Variants in TRIM34 observed in about 807,000 individuals in gnomAD.
TRIM34 encodes E3 ubiquitin-protein ligase TRIM34.
A neutral mutation model predicts 38.1 loss-of-function variants in TRIM34; 41 were observed. That is an observed-to-expected ratio of 1.08 (90% CI 0.84 to 1.40). TRIM34 has a LOEUF of 1.40. Among genes scored for constraint, TRIM34 ranks in the 40% most tolerant of loss-of-function variants. The probability of loss-of-function intolerance (pLI) is 0.00; values close to 1 mark genes in which losing one functional copy is unlikely to be tolerated. For synonymous variants in TRIM34, 200 were observed against 202.5 expected (o/e 0.99, Z 0.10); for missense variants, 556 against 571.4 (o/e 0.97, Z 0.27).
chr11:5,630,949 A>G (rs1849457768), intron 1 of TRIM34, among the ~76,000 whole-genome samples: 2 of 152,218 alleles, frequency 1.3e-5, no homozygotes, highest in South Asian at 2.1e-4. Flanking sequence ...CACATGAATA[A>G]TTGGCATTCA....
chr11:5,644,294 T>C lies in TRIM34; in HGVS notation c.*585T>C, dbSNP rs1034752035. On this transcript the variant is annotated 3_prime_UTR_variant, in exon 8 of 8. Transcript: ENST00000429814. ...AAATATAAATTGGGATTTAAGACTGTACCTAACTATTAAGATCACTGTGTA... is the reference window on the plus strand; with the variant it reads ...AAATATAAATTGGGATTTAAGACTGCACCTAACTATTAAGATCACTGTGTA... The C allele has an allele frequency of 2.5e-6, 1 of 398,838 alleles. No individual in the cohort carries two copies. The highest frequency in any genetic ancestry group is 4.4e-5 in the Admixed American group (1 of 22,752). The allele number at this position is 398,838 out of a possible 1,614,324, so 24.7% of individuals were successfully genotyped here.
chr11:5,621,736 C>A (rs1018693695), upstream of TRIM34, among the ~76,000 whole-genome samples: 4 of 152,198 alleles, frequency 2.6e-5, no homozygotes, highest in Admixed American at 1.3e-4. Context: ...TGCTCACTGA[C>A]ATAAATGCCT....
In TRIM34 at chr11:5,643,328, C is replaced by G. The variant is rs1455357295; in HGVS notation, c.1086C>G (p.Ile362Met). ...EVDVSKKTAW[I>M]LGVYCRTYSR... ...ACGTGTCCAAGAAAACTGCCTGGAT[C>G]CTGGGGGTATACTGTAGAACATATT... The change falls in exon 8 of 8, where the codon ATC (isoleucine) becomes ATG (methionine). Residue 362 changes from isoleucine to methionine, a missense_variant. Physicochemically the swap from Ile to Met is conservative, Grantham distance 10. Coordinates refer to ENST00000429814, the MANE Select transcript of TRIM34 (RefSeq NM_021616.6). 7.4e-5 allele frequency: 120 copies of G among 1,613,754 alleles called. No individual in the cohort carries two copies. Among genetic ancestry groups the G allele is most frequent in the Non-Finnish European group, 1.0e-4 (118 of 1,179,940 alleles).
At chr11:5,621,059 T>C (rs183056438), upstream of TRIM34, among the ~76,000 whole-genome samples, 10 of 152,324 alleles carry the variant, frequency 6.6e-5, no homozygotes, top group South Asian at 2.1e-4. Context: ...TTTCTCTATG[T>C]GTAGACACAC....
Position 5,632,579 on chromosome 11 carries a change from A to C in TRIM34, c.248A>C (p.Glu83Ala), listed in dbSNP as rs1849527961. The stretch of plus-strand genomic sequence containing the variant: ...GCCAACATAGTGGAGAGACTCAAGG[A>C]GGTCAAGTTGAGCCCAGACAATGGG... Reference protein sequence around the residue: ...HLANIVERLKEVKLSPDNGKK... With the variant: ...HLANIVERLKAVKLSPDNGKK... Residue 83 changes from glutamate to alanine, a missense_variant, in exon 2 of 8, where the codon GAG becomes GCG. By Grantham distance (107) the Glu-to-Ala change is moderately radical (BLOSUM62 -1). Transcript: ENST00000429814. The C allele has an allele frequency of 6.2e-7, 1 of 1,613,722 alleles. No individual in the cohort carries two copies. The highest frequency in any genetic ancestry group is 1.3e-5 in the African/African-American group (1 of 74,792).
intron 4 of TRIM34, among the ~76,000 whole-genome samples, chr11:5,636,909 G>A (rs1000205321): frequency 3.3e-5 from 5 of 152,194 alleles, no homozygotes; most frequent in Non-Finnish European, 7.3e-5. Context: ...CACTTTGGGA[G>A]GCCGAGGTGG....
At position 5,632,715 on chromosome 11, in the gene TRIM34, C is replaced by T; in HGVS notation, c.384C>T (p.His128=). The T allele has an allele frequency of 6.2e-7, 1 of 1,611,320 alleles. No homozygotes were observed. Among genetic ancestry groups the T allele is most frequent in the Non-Finnish European group, 8.5e-7 (1 of 1,179,018 alleles). Residue 128 remains histidine, a synonymous_variant, in exon 2 of 8, where the codon CAC becomes CAT. Transcript: ENST00000429814. The part of the protein sequence containing the change: ...LCERSQEHRG[H]HTVLTEEVFK... ...AGCGGTCTCAGGAGCACCGTGGTCACCACACAGTCCTCACGGAGGAAGTAT... is the reference window on the plus strand; with the variant it reads ...AGCGGTCTCAGGAGCACCGTGGTCATCACACAGTCCTCACGGAGGAAGTAT...
upstream of TRIM34, among the ~76,000 whole-genome samples, chr11:5,620,368 G>A (rs1306655100): frequency 6.6e-6 from 1 of 151,022 alleles, no homozygotes; most frequent in Non-Finnish European, 1.5e-5. Context: ...TAGTAGAGAC[G>A]GGGTTTCACC....
chr11:5,632,820 TCC>T, intron 2 of TRIM34, 66 bp downstream of exon 2: 2 of 1,184,312 alleles, frequency 1.7e-6, no homozygotes, highest in Non-Finnish European at 2.2e-6. Flanking sequence ...CACCTTTTCA[TCC>T]TTTTTTTTTT....
intron 4 of TRIM34, among the ~76,000 whole-genome samples, chr11:5,640,657 T>A (rs1245446754): frequency 2.0e-5 from 3 of 152,160 alleles, no homozygotes; most frequent in Non-Finnish European, 4.4e-5. Context: ...AGGATGAGCC[T>A]CATGTAATCA....
chr11:5,625,257 G>A (rs1244858862), intron 1 of TRIM34, among the ~76,000 whole-genome samples, 197 bp downstream of exon 1: 1 of 152,188 alleles, frequency 6.6e-6, no homozygotes, highest in African/African-American at 2.4e-5. Context: ...TGAAAGCAGT[G>A]TTAAAGAGGC....
chr11:5,642,781 T>A, intron 6 of TRIM34, 36 bp from the exon 7 acceptor site: 1 of 1,613,688 alleles, frequency 6.2e-7, no homozygotes, highest in African/African-American at 1.3e-5. Flanking sequence ...ACTCCTTTGT[T>A]TCTAATCAGC....
chr11:5,638,730 G>A (rs2054923392), intron 4 of TRIM34, among the ~76,000 whole-genome samples: 2 of 152,136 alleles, frequency 1.3e-5, no homozygotes, highest in Non-Finnish European at 2.9e-5. Flanking sequence ...CTTAGTTACT[G>A]GTGCCGTTTT....
intron 1 of TRIM34, among the ~76,000 whole-genome samples, chr11:5,628,263 T>C (rs1849326782): frequency 6.6e-6 from 1 of 152,240 alleles, no homozygotes; most frequent in Non-Finnish European, 1.5e-5. Context: ...CCCCCCGGTA[T>C]TTCTAACTAT....
At chr11:5,635,966 A>G (rs1212994484) in intron 4 of TRIM34, among the ~76,000 whole-genome samples, 1 of 152,224 alleles carries the variant, frequency 6.6e-6, no homozygotes, top group Non-Finnish European at 1.5e-5. Context: ...CTACTTAGGA[A>G]AAACTGCTTG....
intron 4 of TRIM34, among the ~76,000 whole-genome samples, chr11:5,639,455 C>T (rs1275224882): frequency 2.6e-5 from 4 of 151,690 alleles, no homozygotes; most frequent in Admixed American, 2.6e-4. Flanking sequence ...CCGAAGAGGG[C>T]GGATCATGAG....
Position 5,642,862 on chromosome 11 carries a change from T to C in TRIM34, c.901+19T>C, listed in dbSNP as rs374193885. On this transcript the variant is annotated intron_variant, in intron 7 of 7. Transcript: ENST00000429814. ...TACTGGGGTAAGAAAAAGTTAGTCT[T>C]TAAATAACTGTTTTCCAATTACCTT... 25 of 1,613,712 alleles carry C rather than the reference T, an allele frequency of 1.5e-5. No homozygotes were observed. The highest frequency in any genetic ancestry group is 3.4e-6 in the Non-Finnish European group (4 of 1,179,868).
chr11:5,635,200 G>A (rs1849678581), intron 4 of TRIM34, among the ~76,000 whole-genome samples: 1 of 150,576 alleles, frequency 6.6e-6, no homozygotes, highest in East Asian at 1.9e-4. Flanking sequence ...TTTAAGAAAT[G>A]TGTTCTATTT....
rs1554923130 is a variant in TRIM34 at position 5,643,125 on chromosome 11, A to ATATATATATTT, written c.902-18_902-17insATATATATTTT. ...ATTATATTCATATACATATATATAT[A>ATATATATATTT]TTTTTTTTTTTCTTGCAGTGGATGT... On this transcript the variant is annotated intron_variant, in intron 7 of 7. Transcript: ENST00000429814. The ATATATATATTT allele has an allele frequency of 3.0e-4, 293 of 974,326 alleles. No homozygotes were observed. The South Asian group carries it at 4.5e-3, about 15-fold the overall frequency. 60.4% of individuals were successfully genotyped at this position (974,326 alleles called of 1,614,324 possible).
Sources: allele counts gnomAD v4.1 joint callset (sites outside exome capture counted in the v4.1 genomes callset), GRCh38; gene constraint gnomAD v4.1.1; transcripts MANE v1.5; gene names NCBI Gene and HGNC (gene_info 2026-07-23, HGNC 2026-07-21).